The following DLG2 variants were observed in gnomAD, a reference collection of about 807,000 sequenced individuals.
DLG2 encodes disks large homolog 2.
DLG2 carries 45 observed loss-of-function variants against 132.5 expected under a neutral mutation model. The ratio of observed to expected loss-of-function variants is 0.34; its 90% CI spans 0.27 to 0.44. The LOEUF is 0.44. DLG2 is among the 20% of genes least tolerant of loss of function. The probability of loss-of-function intolerance (pLI) is 1.00; values close to 1 mark genes in which losing one functional copy is unlikely to be tolerated. For synonymous variants in DLG2, 424 were observed against 419.6 expected (o/e 1.01, Z -0.13); for missense variants, 1,045 against 1,196.9 (o/e 0.87, Z 1.87).
intron 6 of DLG2, among the ~76,000 whole-genome samples, chr11:84,766,769 G>A (rs1192900600): frequency 6.6e-6 from 1 of 152,020 alleles, no homozygotes; most frequent in Non-Finnish European, 1.5e-5. Flanking sequence ...AATAGAAATA[G>A]CCCATGCTTT....
Position 84,700,763 on chromosome 11 carries a change from G to T in DLG2, c.358-166032C>A, listed in dbSNP as rs145023552. ...TTTTAACATCCTCCTCCATTTGTTT[G>T]CACTTTTAATTATTATAGAGGACAC... On this transcript the variant is annotated intron_variant, in intron 6 of 27. Transcript: ENST00000376104. 2.0e-3 allele frequency among the ~76,000 whole-genome samples: 305 copies of T among 151,616 alleles called. 1 individual carries two copies. Among genetic ancestry groups the T allele is most frequent in the African/African-American group, 7.0e-3 (289 of 41,446 alleles).
intron 7 of DLG2, among the ~76,000 whole-genome samples, chr11:84,364,851 G>C (rs929451506): frequency 1.3e-5 from 2 of 152,208 alleles, no homozygotes; most frequent in Non-Finnish European, 2.9e-5. Flanking sequence ...TTGCATCCCA[G>C]GGATGAAGCT....
intron 21 of DLG2, among the ~76,000 whole-genome samples, chr11:83,491,426 T>C (rs2093838066): frequency 6.6e-6 from 1 of 152,040 alleles, no homozygotes; most frequent in Non-Finnish European, 1.5e-5. Flanking sequence ...AATCACAAGA[T>C]GCCAATCATT....
Position 85,019,561 on chromosome 11 carries a change from C to T in DLG2, c.357+92100G>A, listed in dbSNP as rs558052250. On this transcript the variant is annotated intron_variant, in intron 6 of 27. Transcript: ENST00000376104. ...TGTATATATGTGCCATGTTGGTGTG[C>T]TGCACCCACTAACTCGTCATTTACA... is the stretch of plus-strand genomic sequence containing the variant. 1.4e-4 allele frequency among the ~76,000 whole-genome samples: 21 copies of T among 152,116 alleles called. No homozygotes were observed. In the East Asian group the frequency reaches 3.3e-3, roughly 24 times the overall value.
At chr11:85,000,588 A>T (rs2058121471) in intron 6 of DLG2, among the ~76,000 whole-genome samples, 1 of 152,148 alleles carries the variant, frequency 6.6e-6, no homozygotes, top group Admixed American at 6.6e-5. Context: ...ATTTTTTAGG[A>T]TCTGGCCTAT....
chr11:83,782,511 A>G (rs758928726), intron 18 of DLG2, among the ~76,000 whole-genome samples: 32 of 152,204 alleles, frequency 2.1e-4, no homozygotes, highest in Non-Finnish European at 4.0e-4. Flanking sequence ...TAAAGAATCA[A>G]TTAATGCTGA....
intron 3 of DLG2, among the ~76,000 whole-genome samples, chr11:85,352,466 G>T (rs566801486): frequency 2.0e-5 from 3 of 152,052 alleles, no homozygotes; most frequent in Non-Finnish European, 2.9e-5. Context: ...GAATGTGTTT[G>T]CTCTTGCTTC....
At chr11:84,493,416 C>T (rs550852165) in intron 7 of DLG2, among the ~76,000 whole-genome samples, 1 of 152,162 alleles carries the variant, frequency 6.6e-6, no homozygotes, top group East Asian at 1.9e-4. Context: ...CTCCTAGTCA[C>T]CCATAAACTC....
At chr11:84,774,656 T>G (rs1309153024) in intron 6 of DLG2, among the ~76,000 whole-genome samples, 2 of 152,144 alleles carry the variant, frequency 1.3e-5, no homozygotes, top group Admixed American at 6.6e-5. Flanking sequence ...TACAGCCACC[T>G]GCTCTTGACA....
At chr11:84,200,520 T>C (rs966803566) in intron 8 of DLG2, among the ~76,000 whole-genome samples, 3 of 152,186 alleles carry the variant, frequency 2.0e-5, no homozygotes, top group African/African-American at 7.2e-5. Flanking sequence ...TGTTTAATTT[T>C]ATAAATTGCT....
chr11:83,972,327 T>G (rs1173396802), intron 12 of DLG2, among the ~76,000 whole-genome samples: 1 of 152,134 alleles, frequency 6.6e-6, no homozygotes, highest in African/African-American at 2.4e-5. Flanking sequence ...TTATACTTAT[T>G]TGTAGATTTG....
At chr11:84,967,895 A>T (rs1236555007) in intron 6 of DLG2, among the ~76,000 whole-genome samples, 1 of 152,136 alleles carries the variant, frequency 6.6e-6, no homozygotes, top group Non-Finnish European at 1.5e-5. Context: ...TTTTCTAAGA[A>T]AATAAGCTTC....
At position 84,413,483 on chromosome 11, in the gene DLG2, A is replaced by C. The variant is rs76035812; in HGVS notation, c.519+121087T>G. Among the ~76,000 whole-genome samples, 175 of 152,352 alleles carry C rather than the reference A, an allele frequency of 1.1e-3. 5 individuals are homozygous for C. In the East Asian group the frequency reaches 0.031, roughly 27 times the overall value. On this transcript the variant is annotated intron_variant, in intron 7 of 27. Coordinates refer to ENST00000376104, the MANE Select transcript of DLG2 (RefSeq NM_001142699.3). Reference sequence around the variant, plus strand: ...AATACAGAGACAACACTTTTGTGGTAGCACAAGGGTAGATACCAAAGAGAT... The same window carrying C: ...AATACAGAGACAACACTTTTGTGGTCGCACAAGGGTAGATACCAAAGAGAT...
chr11:83,856,811 C>CA (rs1345988404), intron 16 of DLG2, among the ~76,000 whole-genome samples: 1 of 152,168 alleles, frequency 6.6e-6, no homozygotes, highest in Non-Finnish European at 1.5e-5. Flanking sequence ...TTTTGCTGTA[C>CA]AGAAGCTCTT....
At chr11:83,995,499 G>A (rs1279526784) in intron 11 of DLG2, among the ~76,000 whole-genome samples, 3 of 151,928 alleles carry the variant, frequency 2.0e-5, no homozygotes, top group Admixed American at 2.0e-4. Context: ...ACTTGCTGTT[G>A]TTTAAAAAAT....
At chr11:83,483,807 A>G (rs2093320990) in intron 22 of DLG2, among the ~76,000 whole-genome samples, 1 of 152,190 alleles carries the variant, frequency 6.6e-6, no homozygotes, top group Admixed American at 6.6e-5. Context: ...ATTTCTTCTC[A>G]GAAAATAATT....
chr11:84,228,505 AGTG>A lies in DLG2; in HGVS notation c.573+22730_573+22732del, dbSNP rs1437797176. ...GCCAATTCAGGGAAAAATAATTCCA[AGTG>A]GTTCTTGGAGTTTGGTGAAGTGATC... On this transcript the variant is annotated intron_variant, in intron 8 of 27. Coordinates refer to ENST00000376104, the MANE Select transcript of DLG2 (RefSeq NM_001142699.3). Among the ~76,000 whole-genome samples, 4 of 152,350 alleles carry A rather than the reference AGTG, an allele frequency of 2.6e-5. No individual in the cohort carries two copies. In the East Asian group the frequency reaches 5.8e-4, roughly 22 times the overall value.
intron 3 of DLG2, among the ~76,000 whole-genome samples, chr11:85,349,656 G>A (rs2083128509): frequency 6.6e-6 from 1 of 152,092 alleles, no homozygotes; most frequent in Admixed American, 6.5e-5. Flanking sequence ...GTGATAACAT[G>A]CAGTGTTTGG....
intron 6 of DLG2, among the ~76,000 whole-genome samples, chr11:85,094,139 C>A (rs934500496): frequency 6.6e-6 from 1 of 152,172 alleles, no homozygotes; most frequent in African/African-American, 2.4e-5. Context: ...AGAACTGGGA[C>A]TTTCAGGATT....
Sources: allele counts gnomAD v4.1 joint callset (sites outside exome capture counted in the v4.1 genomes callset), GRCh38; gene constraint gnomAD v4.1.1; transcripts MANE v1.5; gene names NCBI Gene and HGNC (gene_info 2026-07-23, HGNC 2026-07-21).